Variants in MTCL2 observed in about 807,000 individuals in gnomAD.
The protein encoded by MTCL2 is microtubule crosslinking factor 2.
the MTCL2 span, among the ~76,000 whole-genome samples, chr20:36,835,729 G>C: frequency 6.6e-6 from 1 of 152,128 alleles, no homozygotes; most frequent in Non-Finnish European, 1.5e-5. Context: ...GCTGCAGCGT[G>C]GGGAGAGGAG....
the MTCL2 span, among the ~76,000 whole-genome samples, chr20:36,803,388 G>T: frequency 1.9e-4 from 29 of 152,258 alleles, no homozygotes; most frequent in African/African-American, 7.0e-4. Flanking sequence ...ATTACTAGTG[G>T]TCATTCCAGC....
At chr20:36,806,774 C>T in the MTCL2 span, among the ~76,000 whole-genome samples, 1 of 152,186 alleles carries the variant, frequency 6.6e-6, no homozygotes, top group African/African-American at 2.4e-5. Context: ...CCCACCTTAA[C>T]CTCCCAAAGT....
At chr20:36,797,124 C>G in the MTCL2 span, among the ~76,000 whole-genome samples, 1 of 152,092 alleles carries the variant, frequency 6.6e-6, no homozygotes, top group Non-Finnish European at 1.5e-5. Context: ...TCCAACTCCC[C>G]CACCATATGT....
the MTCL2 span, among the ~76,000 whole-genome samples, chr20:36,855,403 C>G: frequency 1.3e-5 from 2 of 152,220 alleles, no homozygotes; most frequent in Admixed American, 6.5e-5. Flanking sequence ...CTTCCACCTG[C>G]TCTGACCCCT....
the MTCL2 span, chr20:36,785,270 C>T: frequency 1.0e-6 from 1 of 985,408 alleles, no homozygotes; most frequent in Non-Finnish European, 1.2e-6. Context: ...CAGGGGACCC[C>T]ATGCCTGCCC....
the MTCL2 span, among the ~76,000 whole-genome samples, chr20:36,854,153 A>T: frequency 6.6e-6 from 1 of 151,804 alleles, no homozygotes. Flanking sequence ...GAAGCACAAG[A>T]CCCCAGTCTT....
At chr20:36,858,300 CAAG>C in the MTCL2 span, among the ~76,000 whole-genome samples, 1 of 128,902 alleles carries the variant, frequency 7.8e-6, no homozygotes, top group Non-Finnish European at 1.6e-5. Context: ...CTAGAATCAC[CAAG>C]GAGGGAAAAC....
At chr20:36,792,690 A>G in the MTCL2 span, among the ~76,000 whole-genome samples, 5 of 152,188 alleles carry the variant, frequency 3.3e-5, no homozygotes, top group South Asian at 2.1e-4. Context: ...AGCCATGCTC[A>G]CTAGTCTCTT....
At chr20:36,835,933 C>T in the MTCL2 span, among the ~76,000 whole-genome samples, 5 of 152,184 alleles carry the variant, frequency 3.3e-5, no homozygotes, top group Non-Finnish European at 7.3e-5. Flanking sequence ...GCCTCTCCTC[C>T]GCCTCTTCCT....
chr20:36,859,878 G>C, the MTCL2 span: 1 of 1,231,568 alleles, frequency 8.1e-7, no homozygotes, highest in South Asian at 4.1e-5. Flanking sequence ...CACATCAAGA[G>C]TCTAACACAT....
At chr20:36,802,876 G>A in the MTCL2 span, 2 of 1,578,086 alleles carry the variant, frequency 1.3e-6, no homozygotes, top group Admixed American at 1.8e-5. Context: ...CGGTTCTGCA[G>A]CTCCTTCACC....
chr20:36,828,629 T>G, the MTCL2 span: 3 of 161,590 alleles, frequency 1.9e-5, no homozygotes, highest in Non-Finnish European at 2.7e-5. Context: ...CCACTCCACA[T>G]GCGTTATTCC....
chr20:36,855,386 C>T, the MTCL2 span, among the ~76,000 whole-genome samples: 1 of 152,212 alleles, frequency 6.6e-6, no homozygotes, highest in Non-Finnish European at 1.5e-5. Context: ...AAAGGGCTGG[C>T]CTGCTGCTTC....
the MTCL2 span, among the ~76,000 whole-genome samples, chr20:36,811,298 A>G: frequency 1.3e-5 from 2 of 152,236 alleles, no homozygotes; most frequent in Non-Finnish European, 2.9e-5. Flanking sequence ...GAATGTGTGC[A>G]GGAAATCATT....
the MTCL2 span, chr20:36,786,491 G>A: frequency 1.1e-5 from 17 of 1,539,846 alleles, no homozygotes; most frequent in Admixed American, 1.2e-4. Context: ...TCTGTCACTC[G>A]CTGGGGGGGA....
the MTCL2 span, chr20:36,785,264 G>C: frequency 3.0e-6 from 3 of 985,372 alleles, no homozygotes; most frequent in Non-Finnish European, 3.6e-6. Context: ...TCCACCCAGG[G>C]GACCCCATGC....
the MTCL2 span, chr20:36,793,310 G>C: frequency 1.9e-6 from 3 of 1,551,816 alleles, no homozygotes; most frequent in Non-Finnish European, 2.6e-6. The surrounding 1 kb of genome is among the most constrained non-coding windows in gnomAD (Gnocchi z 6.8). Flanking sequence ...CCCCACCTGG[G>C]GGAGCATGGT....
chr20:36,786,128 T>A, the MTCL2 span: 3 of 997,208 alleles, frequency 3.0e-6, no homozygotes, highest in Non-Finnish European at 3.6e-6. Flanking sequence ...CAGACATGTA[T>A]CCTTCTTGGG....
chr20:36,784,935 G>A, the MTCL2 span: 21 of 985,284 alleles, frequency 2.1e-5, no homozygotes, highest in Admixed American at 1.8e-4. Context: ...GGGAAACTTG[G>A]AGGGATCTCC....
Sources: gnomAD v4.1 joint callset for allele counts (sites outside exome capture counted in the v4.1 genomes callset) on GRCh38, gnomAD v4.1.1 for gene constraint, Gnocchi (gnomAD v3.1) non-coding constraint, MANE v1.5 for transcripts, NCBI Gene and HGNC (gene_info 2026-07-23, HGNC 2026-07-21) for gene names.